Variants in ELAVL2 observed in about 807,000 individuals in gnomAD.
The protein encoded by ELAVL2 is ELAV-like protein 2.
ELAVL2 carries 4 observed loss-of-function variants against 34.6 expected under a neutral mutation model. That is an observed-to-expected ratio of 0.12 (90% CI 0.06 to 0.26). ELAVL2 has a LOEUF of 0.26. Ranked by LOEUF, ELAVL2 falls within the 10% of genes least tolerant of loss-of-function variation. ELAVL2 has a pLI of 1.00. For missense variants in ELAVL2, 432 were observed against 442.8 expected, an observed-to-expected ratio of 0.98 and a Z score of 0.22; for synonymous variants, 193 against 154.8, an observed-to-expected ratio of 1.25 and a Z score of -1.83.
intron 1 of ELAVL2, chr9:23,783,481 C>A (rs1005539710): frequency 2.0e-6 from 2 of 985,362 alleles, no homozygotes; most frequent in African/African-American, 1.7e-5. Flanking sequence ...CTGAAAACAA[C>A]GAGGTTCATT....
At chr9:23,701,079 T>A (rs1026131730) in intron 5 of ELAVL2, among the ~76,000 whole-genome samples, 1 of 152,028 alleles carries the variant, frequency 6.6e-6, no homozygotes, top group African/African-American at 2.4e-5. Context: ...CCCCCACAGG[T>A]TGTGCCAACA....
chr9:23,841,566 C>T, the ELAVL2 span, among the ~76,000 whole-genome samples: 1 of 152,114 alleles, frequency 6.6e-6, no homozygotes, highest in Admixed American at 6.6e-5. Flanking sequence ...TCCCTACCCT[C>T]GGGGTTTAGA....
intron 1 of ELAVL2, among the ~76,000 whole-genome samples, chr9:23,787,380 C>G (rs1023435545): frequency 5.9e-5 from 9 of 151,516 alleles, no homozygotes; most frequent in African/African-American, 2.2e-4. Flanking sequence ...TACAGGCACC[C>G]GCCACCATGC....
chr9:23,702,964 A>AAAAAAAC (rs1554663906), intron 4 of ELAVL2, among the ~76,000 whole-genome samples: 13 of 141,670 alleles, frequency 9.2e-5, no homozygotes, highest in Non-Finnish European at 1.7e-4. Flanking sequence ...AAAAAAAAAA[A>AAAAAAAC]AAAAAAAAAA....
chr9:23,832,688 G>C, the ELAVL2 span, among the ~76,000 whole-genome samples: 2 of 152,108 alleles, frequency 1.3e-5, no homozygotes, highest in African/African-American at 2.4e-5. Context: ...TTTATAAAAA[G>C]TTACCTTCAG....
At chr9:23,811,378 A>G (rs2062976705) in intron 1 of ELAVL2, among the ~76,000 whole-genome samples, 1 of 151,826 alleles carries the variant, frequency 6.6e-6, no homozygotes, top group Non-Finnish European at 1.5e-5. Flanking sequence ...CCATTAAGGG[A>G]GAAAAGCAGT....
At chr9:23,784,846 A>C (rs939677689) in intron 1 of ELAVL2, among the ~76,000 whole-genome samples, 5 of 152,230 alleles carry the variant, frequency 3.3e-5, no homozygotes, top group Admixed American at 2.0e-4. Flanking sequence ...AGAAACACTT[A>C]ATATCCGTAG....
intron 5 of ELAVL2, among the ~76,000 whole-genome samples, chr9:23,701,096 C>A (rs909139772): frequency 1.3e-5 from 2 of 152,132 alleles, no homozygotes. Context: ...AACATGAATA[C>A]CTCTAGACAT....
intron 1 of ELAVL2, among the ~76,000 whole-genome samples, chr9:23,779,011 A>G (rs938834581): frequency 1.3e-5 from 2 of 152,198 alleles, no homozygotes; most frequent in African/African-American, 2.4e-5. Flanking sequence ...ATGAGAAAGA[A>G]GAGGAGGGGC....
intron 3 of ELAVL2, among the ~76,000 whole-genome samples, chr9:23,720,859 T>C (rs1033981175): frequency 6.6e-6 from 1 of 152,204 alleles, no homozygotes; most frequent in African/African-American, 2.4e-5. Context: ...GCTGTTGAAA[T>C]ACAATTTCCT....
At chr9:23,840,520 C>A in the ELAVL2 span, among the ~76,000 whole-genome samples, 1 of 152,102 alleles carries the variant, frequency 6.6e-6, no homozygotes, top group Non-Finnish European at 1.5e-5. Flanking sequence ...ATTTTGGTTC[C>A]GTTATCTCTG....
At chr9:23,742,955 G>A (rs977559716) in intron 2 of ELAVL2, among the ~76,000 whole-genome samples, 1 of 152,104 alleles carries the variant, frequency 6.6e-6, no homozygotes, top group African/African-American at 2.4e-5. Context: ...GCTGGTGGGG[G>A]TATAAATGCT....
chr9:23,719,445 T>C (rs2043114137), intron 3 of ELAVL2, among the ~76,000 whole-genome samples: 1 of 152,214 alleles, frequency 6.6e-6, no homozygotes, highest in African/African-American at 2.4e-5. Flanking sequence ...TATTTTACAA[T>C]TCCCCTCAGA....
intron 3 of ELAVL2, among the ~76,000 whole-genome samples, chr9:23,706,889 T>C (rs951307542): frequency 1.3e-5 from 2 of 152,212 alleles, no homozygotes; most frequent in Admixed American, 6.5e-5. Context: ...TTATACTACT[T>C]TATAAAGACC....
intron 3 of ELAVL2, among the ~76,000 whole-genome samples, chr9:23,710,402 A>G (rs2040603561): frequency 6.6e-6 from 1 of 152,224 alleles, no homozygotes; most frequent in African/African-American, 2.4e-5. Context: ...CTTTCGTCCA[A>G]ACACACAACT....
At chr9:23,699,812 GTTTT>G (rs199637833) in intron 5 of ELAVL2, among the ~76,000 whole-genome samples, 39 of 82,942 alleles carry the variant, frequency 4.7e-4, no homozygotes, top group African/African-American at 1.5e-3. Context: ...GGTGGCAAAG[GTTTT>G]TTTTTTTTTT....
At chr9:23,779,551 G>T (rs113755070) in intron 1 of ELAVL2, among the ~76,000 whole-genome samples, 4,554 of 152,124 alleles carry the variant, frequency 0.03, 90 homozygotes, top group East Asian at 0.075. Context: ...CCTGTGTAAG[G>T]TTTCAAAATA....
In ELAVL2 at chr9:23,757,877, AC is replaced by A. The variant is rs1166271815; in HGVS notation, c.229+4128del. ...GTGACATTAATTTGCTAACACTGAC[AC>A]AGTCTAAAAGTTATACACTCTCTTC... On this transcript the variant is annotated intron_variant, in intron 2 of 6. Transcript: ENST00000397312. 3.3e-5 allele frequency among the ~76,000 whole-genome samples: 5 copies of A among 152,156 alleles called. No homozygotes were observed. The South Asian group carries it at 1.0e-3, about 32-fold the overall frequency.
intron 4 of ELAVL2, among the ~76,000 whole-genome samples, chr9:23,702,243 A>G (rs1157691577): frequency 6.6e-6 from 1 of 152,206 alleles, no homozygotes; most frequent in Non-Finnish European, 1.5e-5. Context: ...TTATTACAGA[A>G]AAATATTATA....
Sources: gnomAD v4.1 joint callset for allele counts (sites outside exome capture counted in the v4.1 genomes callset) on GRCh38, gnomAD v4.1.1 for gene constraint, MANE v1.5 for transcripts, NCBI Gene and HGNC (gene_info 2026-07-23, HGNC 2026-07-21) for gene names.